PKP1: variants seen among roughly 807,000 people sequenced by gnomAD.
PKP1 encodes plakophilin-1.
PKP1 carries 27 observed loss-of-function variants against 76.4 expected under a neutral mutation model. That is an observed-to-expected ratio of 0.35 (90% CI 0.26 to 0.49). The LOEUF is 0.49. Ranked by LOEUF, PKP1 falls within the 20% of genes least tolerant of loss-of-function variation. The probability of loss-of-function intolerance (pLI) is 0.99; values close to 1 mark genes in which losing one functional copy is unlikely to be tolerated. For missense variants in PKP1, 964 were observed against 955.2 expected (o/e 1.01, Z -0.12); for synonymous variants, 404 against 384.2 (o/e 1.05, Z -0.60).
chr1:201,294,084 T>C (rs1656007721), intron 2 of PKP1, 39 bp downstream of exon 2: 1 of 1,381,858 alleles, frequency 7.2e-7, no homozygotes, highest in Non-Finnish European at 1.0e-6. Flanking sequence ...CTGGAGTACT[T>C]GTGGGGATGG....
At chr1:201,308,303 A>C (rs959063219) in intron 2 of PKP1, among the ~76,000 whole-genome samples, 1 of 152,206 alleles carries the variant, frequency 6.6e-6, no homozygotes, top group Non-Finnish European at 1.5e-5. Flanking sequence ...TGGGAACTGC[A>C]GTGCTGTCAG....
rs544678536 is a variant in PKP1, at chr1:201,289,784, T to C, written c.203-4158T>C. Among the ~76,000 whole-genome samples, 19 of 151,656 alleles carry C rather than the reference T, an allele frequency of 1.3e-4. 1 individual carries two copies. The South Asian group carries it at 3.3e-3, about 27-fold the overall frequency. ...AGCCAGTGCAGAGTCAGCCGCTGGA[T>C]TGAGTGCTGACATGGTTATGCTGGC... On this transcript the variant is annotated intron_variant, in intron 1 of 13. Transcript: ENST00000367324.
At chr1:201,306,820 G>A (rs138598280) in intron 2 of PKP1, among the ~76,000 whole-genome samples, 2,349 of 148,844 alleles carry the variant, frequency 0.016, 25 homozygotes, top group Non-Finnish European at 0.026. Flanking sequence ...GACTATAGGC[G>A]CCCACCACCG....
chr1:201,313,072 A>G lies in PKP1; in HGVS notation c.307-94A>G, dbSNP rs1009317341. The G allele has an allele frequency of 1.1e-5, 14 of 1,300,770 alleles. No homozygotes were observed. In the African/African-American group the frequency reaches 1.9e-4, roughly 18 times the overall value. The allele number at this position is 1,300,770 out of a possible 1,614,324, so 80.6% of individuals were successfully genotyped here. ...ATTCTGGGATTCTGTAAGCGTTATTATGGGGGCTGGGGAGGGCTGTATCTC... is the reference window on the plus strand; with the variant it reads ...ATTCTGGGATTCTGTAAGCGTTATTGTGGGGGCTGGGGAGGGCTGTATCTC... On this transcript the variant is annotated intron_variant, in intron 2 of 13. Coordinates refer to ENST00000367324, the MANE Select transcript of PKP1 (RefSeq NM_001005337.3).
Position 201,308,295 on chromosome 1 carries a change from G to A in PKP1, c.307-4871G>A, listed in dbSNP as rs563693596. On this transcript the variant is annotated intron_variant, in intron 2 of 13. Transcript: ENST00000367324. The stretch of plus-strand genomic sequence containing the variant: ...TCTCTTCTGTGCCCTGGAGGCCATG[G>A]GAACTGCAGTGCTGTCAGCATCCTG... Among the ~76,000 whole-genome samples, 11 of 152,308 alleles carry A rather than the reference G, an allele frequency of 7.2e-5. No homozygotes were observed. In the South Asian group the frequency reaches 2.3e-3, roughly 32 times the overall value.
intron 1 of PKP1, among the ~76,000 whole-genome samples, chr1:201,285,770 A>G (rs1009758456): frequency 3.9e-5 from 6 of 152,184 alleles, no homozygotes; most frequent in Admixed American, 1.3e-4. Context: ...TGTCAGCAAG[A>G]AGTGCACTTT....
At chr1:201,308,924 G>A (rs1038947116) in intron 2 of PKP1, among the ~76,000 whole-genome samples, 7 of 152,116 alleles carry the variant, frequency 4.6e-5, no homozygotes, top group Non-Finnish European at 7.4e-5. Flanking sequence ...GATGGGACCC[G>A]GAGTCAGAGC....
intron 1 of PKP1, among the ~76,000 whole-genome samples, 179 bp downstream of exon 1, chr1:201,284,083 G>A (rs924662908): frequency 5.4e-5 from 8 of 147,884 alleles, no homozygotes; most frequent in Non-Finnish European, 8.8e-5. Context: ...CTGAGCTGGT[G>A]TAAACGCGAC....
At chr1:201,302,496 A>G (rs1342952696) in intron 2 of PKP1, among the ~76,000 whole-genome samples, 5 of 152,286 alleles carry the variant, frequency 3.3e-5, no homozygotes, top group African/African-American at 1.2e-4. Context: ...TTCTGCTTTG[A>G]GAGTTTTCCT....
At chr1:201,285,220 CCACACACA>C (rs140683611) in intron 1 of PKP1, among the ~76,000 whole-genome samples, 23,841 of 136,642 alleles carry the variant, frequency 0.17, 2,345 homozygotes, top group Middle Eastern at 0.32. Context: ...GGCCCTTCCA[CCACACACA>C]CACACACACA....
chr1:201,325,679 G>T, intron 11 of PKP1, 75 bp from the exon 12 acceptor site: 1 of 1,111,850 alleles, frequency 9.0e-7, no homozygotes, highest in Non-Finnish European at 1.4e-6. Flanking sequence ...TGGCAGTGGG[G>T]GTGGGAGGGA....
chr1:201,307,586 G>C (rs1395354673), intron 2 of PKP1, among the ~76,000 whole-genome samples: 2 of 152,170 alleles, frequency 1.3e-5, no homozygotes, highest in African/African-American at 4.8e-5. Context: ...GGGTAGAGCA[G>C]AGCCGCTAAG....
At chr1:201,317,351 T>A (rs1045246811) in intron 4 of PKP1, among the ~76,000 whole-genome samples, 2 of 151,616 alleles carry the variant, frequency 1.3e-5, no homozygotes, top group African/African-American at 4.9e-5. Context: ...AGCTAGGATA[T>A]GGGAGCTAGG....
At chr1:201,310,161 C>T (rs564512674) in intron 2 of PKP1, among the ~76,000 whole-genome samples, 1 of 152,272 alleles carries the variant, frequency 6.6e-6, no homozygotes, top group South Asian at 2.1e-4. Context: ...GAGCCAAGTC[C>T]TAAGGCAGCC....
rs1322541781 is a variant in PKP1 at position 201,313,301 on chromosome 1, C to G, written c.442C>G (p.Gln148Glu). 1.0e-5 allele frequency: 16 copies of G among 1,601,168 alleles called. No individual in the cohort carries two copies. Among genetic ancestry groups the G allele is most frequent in the Non-Finnish European group, 1.1e-5 (13 of 1,174,482 alleles). Reference protein sequence around the residue: ...TGAGSDICFMQKIKASRSEPD... With the variant: ...TGAGSDICFMEKIKASRSEPD... ...CGCAGGCAGCGACATCTGCTTCATG[C>G]AGAAAATCAAGGCGAGCCGCAGTGA... is the stretch of plus-strand genomic sequence containing the variant. Residue 148 changes from glutamine (Q) to glutamate (E), a missense_variant, in exon 3 of 14, where the codon CAG (glutamine) becomes GAG (glutamate). Physicochemically the swap from Gln to Glu is conservative, Grantham distance 29. Coordinates refer to ENST00000367324, the MANE Select transcript of PKP1 (RefSeq NM_001005337.3).
intron 2 of PKP1, among the ~76,000 whole-genome samples, chr1:201,305,781 T>A (rs961508227): frequency 6.6e-6 from 1 of 152,174 alleles, no homozygotes; most frequent in Non-Finnish European, 1.5e-5. Context: ...TCAAGGGTGC[T>A]CTTCTGAGGT....
chr1:201,329,809 T>C (rs761587162), intron 13 of PKP1, among the ~76,000 whole-genome samples: 1 of 152,192 alleles, frequency 6.6e-6, no homozygotes, highest in Non-Finnish European at 1.5e-5. Context: ...GAGATTCGGT[T>C]TGGCAAATCC....
intron 2 of PKP1, among the ~76,000 whole-genome samples, chr1:201,295,580 G>T (rs758506025): frequency 2.1e-4 from 32 of 152,232 alleles, no homozygotes; most frequent in Non-Finnish European, 4.4e-4. Context: ...CGGAATGGAT[G>T]ATTATGCTGA....
In PKP1 at chr1:201,320,282, C is replaced by T. The variant is rs150013883; in HGVS notation, c.1248C>T (p.Ala416=). ...TCTCCCCCAGGAACCTGAGCTCGGC[C>T]GATGCAGGCCGCCAGACCATGCGTA... ...ATGCLRNLSS[A]DAGRQTMRNY... The change falls in exon 7 of 14, where the codon GCC becomes GCT. Residue 416 remains alanine (A), a synonymous_variant. Transcript: ENST00000367324. 17 of 1,612,950 alleles carry T rather than the reference C, an allele frequency of 1.1e-5. No individual in the cohort carries two copies. The highest frequency in any genetic ancestry group is 6.7e-5 in the Admixed American group (4 of 59,994).
Sources: gnomAD v4.1 joint callset for allele counts (sites outside exome capture counted in the v4.1 genomes callset) on GRCh38, gnomAD v4.1.1 for gene constraint, MANE v1.5 for transcripts, NCBI Gene and HGNC (gene_info 2026-07-23, HGNC 2026-07-21) for gene names.